The following ANXA5 variants were observed in gnomAD, a reference collection of about 807,000 sequenced individuals.
ANXA5 encodes annexin A5.
A neutral mutation model predicts 48.1 loss-of-function variants in ANXA5; 40 were observed. The observed-to-expected ratio is 0.83, with a 90% CI of 0.65 to 1.08. The LOEUF (loss-of-function observed/expected upper bound fraction) is 1.08. ANXA5 is among the 50% of genes least tolerant of loss of function. The pLI is 0.00. For missense variants in ANXA5, 357 were observed against 376.8 expected (o/e 0.95, Z 0.44); for synonymous variants, 113 against 129.1 (o/e 0.88, Z 0.85).
At chr4:121,678,584 G>A (rs1724736670) in intron 6 of ANXA5, 90 bp from the exon 7 acceptor site, 3 of 1,077,662 alleles carry the variant, frequency 2.8e-6, no homozygotes, top group Middle Eastern at 2.0e-4. Context: ...CGATGTAAAA[G>A]AAGAAATAAT....
intron 8 of ANXA5, among the ~76,000 whole-genome samples, chr4:121,675,735 G>A (rs967686958): frequency 6.6e-6 from 1 of 152,198 alleles, no homozygotes; most frequent in African/African-American, 2.4e-5. Context: ...GACCAAGAAT[G>A]CAGGCATTAC....
Position 121,677,552 on chromosome 4 carries a change from C to G in ANXA5, c.531+342G>C, listed in dbSNP as rs1724718834. On this transcript the variant is annotated intron_variant, in intron 8 of 12. Transcript: ENST00000296511. ...CTTTATTCTTTCTTCTTTATCTTCT[C>G]CTGCTAAGAGACCCACTGCATAATT... Among the ~76,000 whole-genome samples, 4 of 152,268 alleles carry G rather than the reference C, an allele frequency of 2.6e-5. No homozygotes were observed. In the South Asian group the frequency reaches 8.3e-4, roughly 32 times the overall value.
chr4:121,690,986 A>C (rs1344506554), intron 2 of ANXA5, among the ~76,000 whole-genome samples: 5 of 152,124 alleles, frequency 3.3e-5, no homozygotes, highest in Admixed American at 1.3e-4. Context: ...TGCCCACCCA[A>C]AACTGTCTGC....
intron 10 of ANXA5, among the ~76,000 whole-genome samples, chr4:121,670,836 G>T (rs935329494): frequency 3.9e-5 from 6 of 152,096 alleles, no homozygotes; most frequent in African/African-American, 9.7e-5. Context: ...TTTAGAGTTG[G>T]TTCATGCAGA....
At chr4:121,684,615 A>C (rs1188721745) in intron 4 of ANXA5, 62 bp downstream of exon 4, 2 of 1,381,992 alleles carry the variant, frequency 1.4e-6, no homozygotes, top group Non-Finnish European at 2.0e-6. Context: ...AGTATATTCC[A>C]AACTAGTCTT....
At chr4:121,683,275 T>G (rs1724823103) in intron 5 of ANXA5, 89 bp downstream of exon 5, 1 of 751,346 alleles carries the variant, frequency 1.3e-6, no homozygotes, top group Non-Finnish European at 2.0e-6. Flanking sequence ...CAGATAAAAT[T>G]TTTTAAATAT....
chr4:121,669,514 A>G (rs1724575901), intron 12 of ANXA5, 88 bp downstream of exon 12: 2 of 1,512,932 alleles, frequency 1.3e-6, no homozygotes, highest in Admixed American at 3.9e-5. Flanking sequence ...ACTTAACACA[A>G]GAATCAGGTT....
rs1200144119 is a variant in ANXA5 at position 121,681,775 on chromosome 4, T to C, written c.304-14A>G. The stretch of plus-strand genomic sequence containing the variant: ...TGTTCCAGCTCCCTGTTTGGAGATT[T>C]TAATAGAGAAAACATGTCAATAAGA... On this transcript the variant is annotated splice_polypyrimidine_tract_variant and intron_variant, in intron 5 of 12. Transcript: ENST00000296511. 2 of 1,580,580 alleles carry C rather than the reference T, an allele frequency of 1.3e-6. No individual in the cohort carries two copies. Among genetic ancestry groups the C allele is most frequent in the Non-Finnish European group, 1.7e-6 (2 of 1,151,996 alleles).
chr4:121,687,330 T>A (rs932122471), intron 2 of ANXA5, among the ~76,000 whole-genome samples: 1 of 151,384 alleles, frequency 6.6e-6, no homozygotes, highest in African/African-American at 2.4e-5. Context: ...GTTAGTGATA[T>A]CATTAGATCC....
chr4:121,669,726 T>TAAACAAA lies in ANXA5; in HGVS notation c.781-3_781-2insTTTGTTT. On this transcript the variant is annotated splice_polypyrimidine_tract_variant and splice_region_variant and intron_variant, in intron 11 of 12. Transcript: ENST00000296511. The stretch of plus-strand genomic sequence containing the variant: ...GGTATGATCATCTGTCCCAGCTCCC[T>TAAACAAA]TTAAAAAAAAAAAAAAAGAGAGAAG... 1 of 1,538,230 alleles carries TAAACAAA rather than the reference T, an allele frequency of 6.5e-7. No individual in the cohort carries two copies. Among genetic ancestry groups the TAAACAAA allele is most frequent in the African/African-American group, 1.4e-5 (1 of 69,026 alleles).
intron 3 of ANXA5, among the ~76,000 whole-genome samples, chr4:121,686,036 T>TTTC (rs1490401324): frequency 9.2e-5 from 14 of 151,408 alleles, no homozygotes; most frequent in Non-Finnish European, 2.1e-4. Context: ...TTGCTTTTTT[T>TTTC]TTTTTTTTAG....
intron 6 of ANXA5, among the ~76,000 whole-genome samples, chr4:121,679,819 G>A (rs1284430921): frequency 2.0e-5 from 3 of 152,104 alleles, no homozygotes. Context: ...TGTGTACGTT[G>A]TGAAATGATT....
chr4:121,684,985 G>A (rs189858860), intron 3 of ANXA5, among the ~76,000 whole-genome samples: 193 of 148,390 alleles, frequency 1.3e-3, no homozygotes, highest in African/African-American at 4.6e-3. Context: ...TTCAAGACCT[G>A]CCTGGTCAAC....
At chr4:121,675,110 C>A (rs1724676791) in intron 8 of ANXA5, among the ~76,000 whole-genome samples, 1 of 152,204 alleles carries the variant, frequency 6.6e-6, no homozygotes, top group Non-Finnish European at 1.5e-5. Context: ...GTTCAACTCT[C>A]CCTCCAGAGA....
At chr4:121,689,176 G>A (rs1370357679) in intron 2 of ANXA5, among the ~76,000 whole-genome samples, 2 of 152,188 alleles carry the variant, frequency 1.3e-5, no homozygotes, top group Admixed American at 6.5e-5. Flanking sequence ...CTTTCTCTCA[G>A]ATCAAGTTAC....
chr4:121,694,102 CGGGG>C (rs1167345308), intron 2 of ANXA5, among the ~76,000 whole-genome samples: 1,903 of 6,978 alleles, frequency 0.27, 74 homozygotes, highest in Non-Finnish European at 0.31. Context: ...CTATTGTGGG[CGGGG>C]GGGAGGGGGG....
chr4:121,680,137 G>A (rs978722035), intron 6 of ANXA5, among the ~76,000 whole-genome samples: 5 of 152,132 alleles, frequency 3.3e-5, no homozygotes, highest in African/African-American at 1.2e-4. Flanking sequence ...TAAGAAGTGA[G>A]ATCATGCATA....
chr4:121,695,096 A>C (rs546053756), intron 2 of ANXA5, among the ~76,000 whole-genome samples: 30 of 152,226 alleles, frequency 2.0e-4, no homozygotes, highest in Non-Finnish European at 4.1e-4. Flanking sequence ...GATAGAGGGA[A>C]TTATTATTCG....
chr4:121,679,967 T>C (rs1724762509), intron 6 of ANXA5, among the ~76,000 whole-genome samples: 1 of 152,180 alleles, frequency 6.6e-6, no homozygotes, highest in Admixed American at 6.5e-5. Flanking sequence ...CACCACGCTG[T>C]TCATGAGATC....
Sources: gnomAD v4.1 joint callset for allele counts (sites outside exome capture counted in the v4.1 genomes callset) on GRCh38, gnomAD v4.1.1 for gene constraint, MANE v1.5 for transcripts, NCBI Gene and HGNC (gene_info 2026-07-23, HGNC 2026-07-21) for gene names.